CNIH3: variants seen among roughly 807,000 people sequenced by gnomAD.
The protein encoded by CNIH3 is cornichon family AMPA receptor auxiliary protein 3, also known as protein cornichon homolog 3.
Under a neutral mutation model 24.1 loss-of-function variants are expected in CNIH3, and 14 were observed. The observed-to-expected ratio is 0.58, with a 90% confidence interval of 0.38 to 0.91. The LOEUF (loss-of-function observed/expected upper bound fraction) is 0.91, where lower values mean the gene tolerates loss of function less well. Ranked by LOEUF, CNIH3 falls within the 40% of genes least tolerant of loss-of-function variation. CNIH3 has a pLI of 0.00. For synonymous variants in CNIH3, 68 were observed against 73.8 expected (o/e 0.92, Z 0.40); for missense variants, 178 against 196.8 (o/e 0.90, Z 0.57).
At chr1:224,653,422 CAAAA>C in intron 1 of CNIH3, among the ~76,000 whole-genome samples, 1 of 114,338 alleles carries the variant, frequency 8.7e-6, no homozygotes, top group East Asian at 2.4e-4. Context: ...AACTCCACCT[CAAAA>C]AAAAAAAAAA....
intron 5 of CNIH3, among the ~76,000 whole-genome samples, chr1:224,737,994 C>T (rs960461797): frequency 3.0e-4 from 45 of 152,340 alleles, no homozygotes; most frequent in African/African-American, 9.4e-4. Context: ...CACCCTCCTG[C>T]GTGGTTATTC....
intron 1 of CNIH3, among the ~76,000 whole-genome samples, chr1:224,643,551 C>T (rs1175516084): frequency 2.0e-5 from 3 of 152,194 alleles, no homozygotes; most frequent in African/African-American, 7.2e-5. Context: ...GAGAGCCTGC[C>T]TTCATGGAGG....
chr1:224,546,480 G>T (rs60418054), intron 2 of CNIH3, among the ~76,000 whole-genome samples: 2,576 of 152,264 alleles, frequency 0.017, 63 homozygotes, highest in African/African-American at 0.055. Context: ...CCTGGAGGGG[G>T]TAATGAATGC....
At chr1:224,506,285 G>GCACGCA (rs61334962) in intron 1 of CNIH3, among the ~76,000 whole-genome samples, 1 of 143,616 alleles carries the variant, frequency 7.0e-6, no homozygotes, top group African/African-American at 2.7e-5. Context: ...GCGCGCGCGC[G>GCACGCA]CGCACACACA....
intron 1 of CNIH3, among the ~76,000 whole-genome samples, chr1:224,493,032 C>T (rs936925473): frequency 6.6e-6 from 1 of 152,168 alleles, no homozygotes; most frequent in Non-Finnish European, 1.5e-5. Flanking sequence ...ATTGAGTCAA[C>T]GATTTCCCTG....
In CNIH3 at chr1:224,568,111, A is replaced by G. The variant is rs140799515; in HGVS notation, n.516+1847A>G. On this transcript the variant is annotated intron_variant and non_coding_transcript_variant, in intron 4 of 5. Transcript: ENST00000471578. ...TCAAGACCATCCTGGCCAACATGGT[A>G]AAACCCCGTCTTTACTAAAAATACA... Among the ~76,000 whole-genome samples, 590 of 152,164 alleles carry G rather than the reference A, an allele frequency of 3.9e-3. 1 individual carries two copies. The highest frequency in any genetic ancestry group is 0.013 in the African/African-American group (537 of 41,538).
intron 3 of CNIH3, among the ~76,000 whole-genome samples, chr1:224,598,607 A>G (rs1682084288): frequency 1.3e-5 from 2 of 152,184 alleles, no homozygotes; most frequent in Admixed American, 1.3e-4. Context: ...TTGTTGTCTT[A>G]TTTTAGGAAA....
chr1:224,534,874 A>T (rs148278851), intron 2 of CNIH3, among the ~76,000 whole-genome samples: 16 of 152,174 alleles, frequency 1.1e-4, no homozygotes, highest in Admixed American at 3.3e-4. Context: ...TTTCCTAAGT[A>T]CCTCTTGCCA....
chr1:224,727,167 T>C (rs903773279), intron 3 of CNIH3, among the ~76,000 whole-genome samples: 1 of 152,126 alleles, frequency 6.6e-6, no homozygotes, highest in African/African-American at 2.4e-5. Context: ...GCTGAGTGGA[T>C]GGTTGGGGGA....
chr1:224,510,613 A>AAAAAAAAAC (rs1678110451), intron 1 of CNIH3, among the ~76,000 whole-genome samples: 2 of 133,706 alleles, frequency 1.5e-5, no homozygotes, highest in African/African-American at 6.5e-5. Flanking sequence ...AAAAAACAAA[A>AAAAAAAAAC]AAAAAACAAA....
At chr1:224,535,787 G>A (rs1254073560) in intron 2 of CNIH3, among the ~76,000 whole-genome samples, 1 of 152,212 alleles carries the variant, frequency 6.6e-6, no homozygotes, top group Non-Finnish European at 1.5e-5. Context: ...AAATCCACCT[G>A]TAGGCGTGAA....
At chr1:224,449,125 C>T (rs545057249) in intron 1 of CNIH3, among the ~76,000 whole-genome samples, 17 of 151,896 alleles carry the variant, frequency 1.1e-4, no homozygotes, top group African/African-American at 2.7e-4. Context: ...CCACCATGAC[C>T]GGCTAATTTT....
intron 1 of CNIH3, among the ~76,000 whole-genome samples, chr1:224,655,304 C>T (rs1444508859): frequency 6.6e-6 from 1 of 152,084 alleles, no homozygotes; most frequent in Non-Finnish European, 1.5e-5. Flanking sequence ...GCTGATGCCT[C>T]CTGTTGGCCT....
chr1:224,593,266 C>A (rs1434734135), downstream of CNIH3, among the ~76,000 whole-genome samples: 3 of 151,906 alleles, frequency 2.0e-5, no homozygotes, highest in African/African-American at 7.3e-5. Context: ...AGCTATCCTC[C>A]AGCTCAGCCA....
intron 1 of CNIH3, among the ~76,000 whole-genome samples, chr1:224,630,545 C>T (rs1558231823): frequency 1.3e-5 from 2 of 151,516 alleles, no homozygotes; most frequent in African/African-American, 4.8e-5. Flanking sequence ...TAGCAATGCA[C>T]ATCCCACACT....
chr1:224,714,832 G>A (rs905852574), intron 3 of CNIH3, among the ~76,000 whole-genome samples: 5 of 152,156 alleles, frequency 3.3e-5, no homozygotes, highest in African/African-American at 7.2e-5. Flanking sequence ...GGAGAAGCAC[G>A]GACTGTCCCC....
intron 4 of CNIH3, chr1:224,575,454 C>A: frequency 2.7e-6 from 2 of 727,492 alleles, no homozygotes; most frequent in Non-Finnish European, 4.6e-6. Context: ...TTTTTTTTTT[C>A]CTTGCAAAGG....
At chr1:224,625,673 G>T (rs2125070826) in intron 1 of CNIH3, among the ~76,000 whole-genome samples, 1 of 152,376 alleles carries the variant, frequency 6.6e-6, no homozygotes, top group Non-Finnish European at 1.5e-5. Context: ...GTGGAGGGGA[G>T]ATGGTGGATG....
At chr1:224,685,189 A>G (rs1474371372) in intron 3 of CNIH3, among the ~76,000 whole-genome samples, 1 of 152,236 alleles carries the variant, frequency 6.6e-6, no homozygotes, top group Admixed American at 6.5e-5. Flanking sequence ...GGCTGGGCTC[A>G]GGAACACTCC....
Sources: gnomAD v4.1 joint callset for allele counts (sites outside exome capture counted in the v4.1 genomes callset) on GRCh38, gnomAD v4.1.1 for gene constraint, MANE v1.5 for transcripts, NCBI Gene and HGNC (gene_info 2026-07-23, HGNC 2026-07-21) for gene names.